DLG2: variants seen among roughly 807,000 people sequenced by gnomAD.
The protein encoded by DLG2 is disks large homolog 2.
Under a neutral mutation model 132.5 loss-of-function variants are expected in DLG2, and 45 were observed. That is an observed-to-expected ratio of 0.34 (90% CI 0.27 to 0.44). DLG2 has a LOEUF of 0.44. Ranked by LOEUF, DLG2 falls within the 20% of genes least tolerant of loss-of-function variation. DLG2 has a pLI of 1.00. For synonymous variants in DLG2, 424 were observed against 419.6 expected (o/e 1.01, Z -0.13); for missense variants, 1,045 against 1,196.9 (o/e 0.87, Z 1.87).
chr11:85,510,749 T>C (rs1362768686), intron 3 of DLG2, among the ~76,000 whole-genome samples: 3 of 152,094 alleles, frequency 2.0e-5, no homozygotes, highest in Non-Finnish European at 4.4e-5. Context: ...TGTGGAGAAA[T>C]AGGAACACTT....
rs150350526 is a variant in DLG2 at position 85,422,510 on chromosome 11, C to T, written c.41-137145G>A. On this transcript the variant is annotated intron_variant, in intron 3 of 27. Coordinates refer to ENST00000376104, the MANE Select transcript of DLG2 (RefSeq NM_001142699.3). ...TCCAGAGCATTTTGCATTTTTATAA[C>T]TGTGTCCATTGTTTCCTGAAGTTTT... 3.1e-3 allele frequency among the ~76,000 whole-genome samples: 463 copies of T among 147,836 alleles called. 1 individual carries two copies. The highest frequency in any genetic ancestry group is 0.011 in the African/African-American group (445 of 39,376).
intron 6 of DLG2, among the ~76,000 whole-genome samples, chr11:84,760,477 C>A (rs2067464987): frequency 6.6e-6 from 1 of 152,182 alleles, no homozygotes; most frequent in Non-Finnish European, 1.5e-5. Flanking sequence ...AGAAAGACAA[C>A]CTAGCAAACA....
intron 11 of DLG2, among the ~76,000 whole-genome samples, chr11:84,009,403 G>T (rs2094756948): frequency 6.6e-6 from 1 of 151,998 alleles, no homozygotes; most frequent in Admixed American, 6.6e-5. Flanking sequence ...AGCTTCTAAA[G>T]CTCACATACT....
At chr11:84,779,386 G>A (rs1039946785) in intron 6 of DLG2, among the ~76,000 whole-genome samples, 1 of 151,926 alleles carries the variant, frequency 6.6e-6, no homozygotes, top group Admixed American at 6.6e-5. Flanking sequence ...TTCTACAAAT[G>A]CTACTTATTT....
chr11:84,006,492 T>G (rs896111566), intron 11 of DLG2, among the ~76,000 whole-genome samples: 1 of 151,554 alleles, frequency 6.6e-6, no homozygotes, highest in Admixed American at 6.6e-5. Context: ...CGATAAATAC[T>G]TAAGTATTTA....
At chr11:85,278,868 AC>A (rs1264244096) in intron 4 of DLG2, among the ~76,000 whole-genome samples, 8 of 152,156 alleles carry the variant, frequency 5.3e-5, no homozygotes, top group Admixed American at 2.0e-4. Context: ...TAACAGTATG[AC>A]CCTGGACAAG....
intron 21 of DLG2, among the ~76,000 whole-genome samples, chr11:83,489,363 T>A (rs1444548915): frequency 6.6e-6 from 1 of 151,848 alleles, no homozygotes; most frequent in Non-Finnish European, 1.5e-5. Flanking sequence ...TATATAAAAT[T>A]GCAAGAAACC....
chr11:84,618,626 A>G lies in DLG2; in HGVS notation c.358-83895T>C, dbSNP rs2099608643. On this transcript the variant is annotated intron_variant, in intron 6 of 27. Transcript: ENST00000376104. ...TAAGCAAGACTCTCAAAAGGGACCAAAGTGGCTCAAACTCAGAAGAGTCTT... is the reference window on the plus strand; with the variant it reads ...TAAGCAAGACTCTCAAAAGGGACCAGAGTGGCTCAAACTCAGAAGAGTCTT... Among the ~76,000 whole-genome samples, 4 of 152,176 alleles carry G rather than the reference A, an allele frequency of 2.6e-5. No homozygotes were observed. In the South Asian group the frequency reaches 8.3e-4, roughly 32 times the overall value.
chr11:85,610,908 A>T lies in DLG2; in HGVS notation c.-92-12120T>A, dbSNP rs975492945. Among the ~76,000 whole-genome samples, 6 of 152,352 alleles carry T rather than the reference A, an allele frequency of 3.9e-5. No individual in the cohort carries two copies. In the East Asian group the frequency reaches 1.2e-3, roughly 29 times the overall value. On this transcript the variant is annotated intron_variant, in intron 2 of 27. Transcript: ENST00000376104. ...TTGCCGACTATGGATCCCCGGATAC[A>T]GCGAGATGGCCAGACCACTCTATAC...
At chr11:84,141,599 T>G (rs532747346) in intron 9 of DLG2, among the ~76,000 whole-genome samples, 1 of 152,254 alleles carries the variant, frequency 6.6e-6, no homozygotes, top group Non-Finnish European at 1.5e-5. Context: ...GGCCTTAAAC[T>G]TTTGGACTCC....
At chr11:83,876,684 C>A (rs1470324524) in intron 15 of DLG2, among the ~76,000 whole-genome samples, 4 of 147,090 alleles carry the variant, frequency 2.7e-5, no homozygotes, top group Non-Finnish European at 5.9e-5. Context: ...AAATCAACAG[C>A]TTGCAAATGT....
chr11:84,727,511 G>A (rs558022643), intron 6 of DLG2, among the ~76,000 whole-genome samples: 1 of 152,090 alleles, frequency 6.6e-6, no homozygotes, highest in South Asian at 2.1e-4. Context: ...GTAGTACAGT[G>A]TGAAGTAAGA....
At chr11:84,584,035 T>C (rs1046971138) in intron 6 of DLG2, among the ~76,000 whole-genome samples, 1 of 152,180 alleles carries the variant, frequency 6.6e-6, no homozygotes, top group Admixed American at 6.5e-5. Context: ...CAATGGACAT[T>C]TACAATAATT....
intron 6 of DLG2, among the ~76,000 whole-genome samples, chr11:84,868,754 A>C (rs981476145): frequency 2.6e-5 from 4 of 152,230 alleles, no homozygotes; most frequent in African/African-American, 7.2e-5. Context: ...CGTTGCCAAT[A>C]TCTCAGACAA....
intron 7 of DLG2, among the ~76,000 whole-genome samples, chr11:84,297,748 C>T (rs2098110673): frequency 6.6e-6 from 1 of 152,174 alleles, no homozygotes; most frequent in African/African-American, 2.4e-5. Context: ...CCCCAGTCTA[C>T]CTGACCCAGC....
intron 4 of DLG2, among the ~76,000 whole-genome samples, chr11:85,269,270 G>T (rs1202210493): frequency 1.3e-5 from 2 of 152,188 alleles, no homozygotes; most frequent in East Asian, 3.9e-4. Context: ...AGCATGTCTG[G>T]CTTGGATCTT....
chr11:84,569,795 G>A (rs2099473334), intron 6 of DLG2, among the ~76,000 whole-genome samples: 1 of 152,154 alleles, frequency 6.6e-6, no homozygotes, highest in South Asian at 2.1e-4. Context: ...GGCCAATTAT[G>A]GGAGAACAAA....
At chr11:83,675,529 A>G (rs993194432) in intron 18 of DLG2, among the ~76,000 whole-genome samples, 3 of 152,192 alleles carry the variant, frequency 2.0e-5, no homozygotes, top group Admixed American at 2.0e-4. Context: ...TCAAAATACA[A>G]TAATTCTTGA....
intron 6 of DLG2, among the ~76,000 whole-genome samples, chr11:84,883,390 T>C (rs893394414): frequency 6.6e-6 from 1 of 151,986 alleles, no homozygotes; most frequent in Non-Finnish European, 1.5e-5. Flanking sequence ...GACGGGTTGA[T>C]AGGTGCAGTA....
Sources: allele counts gnomAD v4.1 joint callset (sites outside exome capture counted in the v4.1 genomes callset), GRCh38; gene constraint gnomAD v4.1.1; transcripts MANE v1.5; gene names NCBI Gene and HGNC (gene_info 2026-07-23, HGNC 2026-07-21).